Variants in ATMIN observed in about 807,000 individuals in gnomAD.
The protein encoded by ATMIN is ATM INteracting protein.
A neutral mutation model predicts 49.2 loss-of-function variants in ATMIN; 24 were observed. The observed-to-expected ratio is 0.49, with a 90% CI of 0.35 to 0.69. The LOEUF is 0.69. Ranked by LOEUF, ATMIN falls within the 30% of genes least tolerant of loss-of-function variation. The probability of loss-of-function intolerance (pLI) is 0.00; values close to 1 mark genes in which losing one functional copy is unlikely to be tolerated. For synonymous variants in ATMIN, 450 were observed against 392.5 expected, an observed-to-expected ratio of 1.15 and a Z score of -1.73; for missense variants, 1,037 against 1,005.5, an observed-to-expected ratio of 1.03 and a Z score of -0.42.
At chr16:81,041,697 C>G (rs866796444) in intron 2 of ATMIN, 27 of 471,180 alleles carry the variant, frequency 5.7e-5, no homozygotes, top group African/African-American at 3.0e-4. Flanking sequence ...AGTTAAAATA[C>G]AGAGAGAGAG....
intron 1 of ATMIN, chr16:81,037,143 C>G (rs1970952482): frequency 1.0e-6 from 1 of 983,390 alleles, no homozygotes; most frequent in Non-Finnish European, 1.2e-6. Context: ...TGTTAAGTCA[C>G]AATCTCTCAG....
intron 1 of ATMIN, among the ~76,000 whole-genome samples, chr16:81,037,805 T>G (rs978783812): frequency 4.6e-5 from 7 of 151,498 alleles, no homozygotes; most frequent in African/African-American, 7.3e-5. Context: ...CCTGCTAATT[T>G]TTTTTTGTAT....
rs1018925629 is a variant in ATMIN at position 81,045,759 on chromosome 16, C to T, written c.*789C>T. 1.3e-5 allele frequency: 2 copies of T among 152,042 alleles called. No homozygotes were observed. The highest frequency in any genetic ancestry group is 2.4e-5 in the African/African-American group (1 of 41,368). The allele number at this position is 152,042 out of a possible 1,614,324, so 9.4% of individuals were successfully genotyped here. The stretch of plus-strand genomic sequence containing the variant: ...TTGGGAGGCCAAAGCAGGACGATCA[C>T]TTGAGCCCAGGAGTTCAACACCAGC... On this transcript the variant is annotated 3_prime_UTR_variant, in exon 4 of 4. Transcript: ENST00000299575.
In ATMIN at chr16:81,046,511, C is replaced by T. The variant is rs1361725310; in HGVS notation, c.*1541C>T. ...AAAACAAGGTGAAGACCTATTGCTT[C>T]AATAATCAAGAATGCTTTGTGTGTT... is the stretch of plus-strand genomic sequence containing the variant. On this transcript the variant is annotated 3_prime_UTR_variant, in exon 4 of 4. Coordinates refer to ENST00000299575, the MANE Select transcript of ATMIN (RefSeq NM_015251.3). The T allele has an allele frequency of 6.6e-6, 1 of 151,848 alleles. No homozygotes were observed. Among genetic ancestry groups the T allele is most frequent in the Non-Finnish European group, 1.5e-5 (1 of 67,988 alleles). The allele number at this position is 151,848 out of a possible 1,614,324, so 9.4% of individuals were successfully genotyped here.
rs769721478 is a variant in ATMIN, at chr16:81,043,250, C to G, written c.752C>G (p.Pro251Arg). Residue 251 changes from proline (P) to arginine (R), a missense_variant, in exon 4 of 4, where the codon CCA becomes CGA. By Grantham distance (103) the Pro-to-Arg change is moderately radical. Transcript: ENST00000299575. ...ACCATTGAATCATTGAACAACCAAC[C>G]AATCCCTAGACCAGACACTCAAGAA... ...NKTIESLNNQ[P>R]IPRPDTQELE... 1 of 1,614,020 alleles carries G rather than the reference C, an allele frequency of 6.2e-7. No homozygotes were observed. Among genetic ancestry groups the G allele is most frequent in the Admixed American group, 1.7e-5 (1 of 60,016 alleles).
Position 81,038,191 on chromosome 16 carries a change from C to T in ATMIN, c.336+1985C>T, listed in dbSNP as rs559023763. On this transcript the variant is annotated intron_variant, in intron 1 of 3. Coordinates refer to ENST00000299575, the MANE Select transcript of ATMIN (RefSeq NM_015251.3). ...TGTCGCCCAGGCTGGAGTGCAGTGG[C>T]GCCATCTTGGATCACTGCAACCTCT... 5.8e-4 allele frequency among the ~76,000 whole-genome samples: 88 copies of T among 152,040 alleles called. 1 individual carries two copies. In the South Asian group the frequency reaches 0.015, roughly 26 times the overall value.
intron 1 of ATMIN, chr16:81,037,039 C>T: frequency 3.0e-6 from 1 of 336,520 alleles, no homozygotes; most frequent in Non-Finnish European, 4.2e-6. Flanking sequence ...CAACAACCCT[C>T]CACGTTATGC....
intron 1 of ATMIN, 73 bp downstream of exon 1, chr16:81,036,279 A>C (rs1051643311): frequency 9.2e-7 from 1 of 1,089,044 alleles, no homozygotes. Context: ...CGGCGCGCGA[A>C]GCCGGCCTCG....
Position 81,043,327 on chromosome 16 carries a change from T to C in ATMIN, c.829T>C (p.Ser277Pro). The C allele has an allele frequency of 6.2e-7, 1 of 1,614,010 alleles. No individual in the cohort carries two copies. The highest frequency in any genetic ancestry group is 8.5e-7 in the Non-Finnish European group (1 of 1,179,996). ...ACCATCTTTTGAAGACTCTTGTGGC[T>C]CTAACACTGACAAGCAGACTCTTAC... ...LEPSFEDSCG[S>P]NTDKQTLTTP... Residue 277 changes from serine to proline, a missense_variant, in exon 4 of 4, where the codon TCT (serine) becomes CCT (proline). Transcript: ENST00000299575.
chr16:81,041,231 AG>A, intron 1 of ATMIN, 124 bp from the exon 2 acceptor site: 1 of 1,030,162 alleles, frequency 9.7e-7, no homozygotes, highest in African/African-American at 1.6e-5. Context: ...TGCTGACACT[AG>A]ATGGAAAAAC....
chr16:81,036,917 A>T (rs80348569), intron 1 of ATMIN, among the ~76,000 whole-genome samples: 2 of 152,202 alleles, frequency 1.3e-5, no homozygotes, highest in African/African-American at 2.4e-5. Context: ...AAACACCATC[A>T]GTCAGTTTCA....
rs1289687803 is a variant in ATMIN, at chr16:81,044,364, C to T, written c.1866C>T (p.Thr622=). ...LLSDTNPGPD[T]QLPSGPAQNP... is the part of the protein sequence containing the mutation. ...CTGACACAAATCCTGGACCTGACAC[C>T]CAGCTCCCATCTGGCCCAGCCCAGA... The change falls in exon 4 of 4, where the codon ACC becomes ACT. Residue 622 remains threonine (T), a synonymous_variant. Coordinates refer to ENST00000299575, the MANE Select transcript of ATMIN (RefSeq NM_015251.3). The T allele has an allele frequency of 1.2e-6, 2 of 1,613,846 alleles. No individual in the cohort carries two copies. Among genetic ancestry groups the T allele is most frequent in the Non-Finnish European group, 1.7e-6 (2 of 1,180,004 alleles).
rs1971096855 is a variant in ATMIN, at chr16:81,045,032, G to T, written c.*62G>T. On this transcript the variant is annotated 3_prime_UTR_variant, in exon 4 of 4. Transcript: ENST00000299575. ...CCATTTCCTCTGGATTAAAACTACG[G>T]ACTGGGGACAACAGTATTAATTCGA... 1 of 1,550,140 alleles carries T rather than the reference G, an allele frequency of 6.5e-7. No individual in the cohort carries two copies. The highest frequency in any genetic ancestry group is 1.7e-4 in the Middle Eastern group (1 of 5,742).
Position 81,044,677 on chromosome 16 carries a change from T to C in ATMIN, c.2179T>C (p.Ser727Pro). 1 of 1,614,160 alleles carries C rather than the reference T, an allele frequency of 6.2e-7. No individual in the cohort carries two copies. Among genetic ancestry groups the C allele is most frequent in the South Asian group, 1.1e-5 (1 of 91,082 alleles). Residue 727 changes from serine (S) to proline (P), a missense_variant, in exon 4 of 4, where the codon TCC becomes CCC. Ser to Pro is a moderately conservative substitution (Grantham distance 74, BLOSUM62 -1). Coordinates refer to ENST00000299575, the MANE Select transcript of ATMIN (RefSeq NM_015251.3). ...HLPLGSILKH[S>P]SFSVSTDSSD... Reference sequence around the variant, plus strand: ...GCCTCTGGGAAGTATTCTGAAACACTCCAGCTTTTCCGTGAGTACTGATTC... The same window carrying C: ...GCCTCTGGGAAGTATTCTGAAACACCCCAGCTTTTCCGTGAGTACTGATTC...
At chr16:81,041,199 A>C in intron 1 of ATMIN, 157 bp from the exon 2 acceptor site, 1 of 740,916 alleles carries the variant, frequency 1.3e-6, no homozygotes, top group Non-Finnish European at 2.2e-6. Flanking sequence ...CGTTTAATCT[A>C]CTCATACTCT....
intron 1 of ATMIN, chr16:81,037,322 T>G: frequency 1.0e-6 from 1 of 985,460 alleles, no homozygotes; most frequent in Middle Eastern, 5.2e-4. Flanking sequence ...AGGCTTCTGA[T>G]AAGAATTTCA....
chr16:81,036,290 G>A, intron 1 of ATMIN, 84 bp downstream of exon 1: 2 of 1,111,934 alleles, frequency 1.8e-6, no homozygotes, highest in Non-Finnish European at 2.2e-6. Context: ...GCCGGCCTCG[G>A]GGGGACGAGC....
At chr16:81,041,120 A>G in intron 1 of ATMIN, 1 of 424,202 alleles carries the variant, frequency 2.4e-6, no homozygotes, top group Non-Finnish European at 4.3e-6. Context: ...TAAATTGACT[A>G]AGAGGAATTC....
chr16:81,044,316 A>G lies in ATMIN; in HGVS notation c.1818A>G (p.Thr606=), dbSNP rs774562501. ...TGTCAAGTAATCTGCCTGCTCAGAC[A>G]TTGGATCATCGTAGTCTTTTGTCTG... The part of the protein sequence containing the change: ...NILSSNLPAQ[T]LDHRSLLSDT... The change falls in exon 4 of 4, where the codon ACA becomes ACG. Residue 606 remains threonine (T), a synonymous_variant. Transcript: ENST00000299575. The G allele has an allele frequency of 1.3e-5, 21 of 1,614,028 alleles. 1 individual carries two copies. The African/African-American group carries it at 1.7e-4, about 13-fold the overall frequency.
Sources: allele counts gnomAD v4.1 joint callset (sites outside exome capture counted in the v4.1 genomes callset), GRCh38; gene constraint gnomAD v4.1.1; transcripts MANE v1.5; gene names NCBI Gene and HGNC (gene_info 2026-07-23, HGNC 2026-07-21).